The following NTM variants were observed in gnomAD, a reference collection of about 807,000 sequenced individuals.
NTM encodes neurotrimin.
A neutral mutation model predicts 42.1 loss-of-function variants in NTM; 13 were observed. The ratio of observed to expected loss-of-function variants is 0.31; its 90% CI spans 0.20 to 0.49. The LOEUF (loss-of-function observed/expected upper bound fraction) is 0.49. Ranked by LOEUF, NTM falls within the 20% of genes least tolerant of loss-of-function variation. The pLI is 0.99. For synonymous variants in NTM, 187 were observed against 179.2 expected (o/e 1.04, Z -0.35); for missense variants, 373 against 452.8 (o/e 0.82, Z 1.60).
At chr11:132,193,180 A>G (rs1185015664) in intron 3 of NTM, among the ~76,000 whole-genome samples, 2 of 152,154 alleles carry the variant, frequency 1.3e-5, no homozygotes, top group African/African-American at 2.4e-5. Context: ...ACTCCACAAC[A>G]ACAGAATGAC....
intron 1 of NTM, among the ~76,000 whole-genome samples, chr11:131,633,776 T>TCC (rs1429837076): frequency 4.1e-5 from 3 of 73,284 alleles, no homozygotes; most frequent in East Asian, 1.1e-3. Flanking sequence ...CCTCTCTCTC[T>TCC]CTCTCTCTCT....
At chr11:132,053,141 A>G (rs2079096450) in intron 2 of NTM, among the ~76,000 whole-genome samples, 1 of 152,212 alleles carries the variant, frequency 6.6e-6, no homozygotes, top group Non-Finnish European at 1.5e-5. Context: ...ATTCAGCATA[A>G]TGCTTGCAAT....
At chr11:131,760,842 G>A (rs1192711130) in intron 1 of NTM, among the ~76,000 whole-genome samples, 3 of 152,196 alleles carry the variant, frequency 2.0e-5, no homozygotes, top group Admixed American at 6.5e-5. Flanking sequence ...ACGTTGGAGC[G>A]TAGGAAGAGG....
chr11:132,005,993 A>G (rs1269817892), intron 2 of NTM, among the ~76,000 whole-genome samples: 2 of 152,218 alleles, frequency 1.3e-5, no homozygotes. Context: ...CCTGTGGCCC[A>G]TTCATGTGGA....
chr11:132,095,407 G>A (rs1161923242), intron 2 of NTM, among the ~76,000 whole-genome samples: 2 of 152,080 alleles, frequency 1.3e-5, no homozygotes, highest in African/African-American at 4.8e-5. Flanking sequence ...GGGACTGGCG[G>A]CTACCTCTTC....
At chr11:132,199,597 A>T (rs1034123290) in intron 3 of NTM, among the ~76,000 whole-genome samples, 3 of 152,116 alleles carry the variant, frequency 2.0e-5, no homozygotes, top group African/African-American at 7.2e-5. Flanking sequence ...CCTGAGTGAT[A>T]CCGGGGAGTA....
At position 131,800,948 on chromosome 11, in the gene NTM, G is replaced by A. The variant is rs187616941; in HGVS notation, c.83-110616G>A. ...TTGAATTAATAGTAGGACGTGGCCC[G>A]TGCTCTCCAACCTTGGAATTTGATT... On this transcript the variant is annotated intron_variant, in intron 1 of 8. Transcript: ENST00000683400. Among the ~76,000 whole-genome samples the A allele has an allele frequency of 1.1e-3, 173 of 152,232 alleles. 1 individual carries two copies. Among genetic ancestry groups the A allele is most frequent in the Admixed American group, 1.8e-3 (27 of 15,288 alleles).
Position 131,751,765 on chromosome 11 carries a change from A to ACC in NTM, c.83-159791_83-159790dup, listed in dbSNP as rs1252915947. On this transcript the variant is annotated intron_variant, in intron 1 of 8. Coordinates refer to ENST00000683400, the MANE Select transcript of NTM (RefSeq NM_001352005.2). ...CAGAGCAAGATTCCGTCCCCCCCTCACCCCCCCCCAAAATATATACTTATT... is the reference window on the plus strand; with the variant it reads ...CAGAGCAAGATTCCGTCCCCCCCTCACCCCCCCCCCCAAAATATATACTTATT... Among the ~76,000 whole-genome samples the ACC allele has an allele frequency of 5.1e-4, 24 of 47,244 alleles. No individual in the cohort carries two copies. The South Asian group carries it at 0.012, about 23-fold the overall frequency. The allele number at this position is 47,244 out of a possible 152,430, so 31.0% of individuals were successfully genotyped here.
chr11:132,316,890 T>C (rs1591973726), intron 7 of NTM, among the ~76,000 whole-genome samples: 1 of 152,200 alleles, frequency 6.6e-6, no homozygotes, highest in East Asian at 1.9e-4. Flanking sequence ...TCAGTTTCCA[T>C]TAAAAGCCAA....
chr11:131,992,951 A>AT (rs2067295154), intron 2 of NTM, among the ~76,000 whole-genome samples: 4 of 152,172 alleles, frequency 2.6e-5, no homozygotes, highest in Admixed American at 2.6e-4. Flanking sequence ...AGGGTGCCTC[A>AT]TACTAACTTC....
intron 2 of NTM, among the ~76,000 whole-genome samples, chr11:132,104,200 C>T (rs2061978180): frequency 6.6e-6 from 1 of 152,106 alleles, no homozygotes; most frequent in African/African-American, 2.4e-5. Context: ...GCTGGGGCAT[C>T]TTTATGTCAA....
intron 1 of NTM, among the ~76,000 whole-genome samples, chr11:131,597,814 ATTATCT>A (rs2059946470): frequency 6.6e-6 from 1 of 152,220 alleles, no homozygotes; most frequent in Non-Finnish European, 1.5e-5. Flanking sequence ...TGTTATCTTT[ATTATCT>A]TTGTTAAGCC....
chr11:132,005,533 A>G (rs994320272), intron 2 of NTM, among the ~76,000 whole-genome samples: 2 of 152,200 alleles, frequency 1.3e-5, no homozygotes, highest in Non-Finnish European at 2.9e-5. Flanking sequence ...TGTTGGAAGG[A>G]AGGGATATAT....
chr11:132,113,685 G>A (rs1464680199), intron 2 of NTM, among the ~76,000 whole-genome samples: 1 of 152,162 alleles, frequency 6.6e-6, no homozygotes, highest in East Asian at 1.9e-4. Flanking sequence ...TGTCAATGAA[G>A]CCAATTGGAT....
intron 1 of NTM, among the ~76,000 whole-genome samples, chr11:131,398,554 C>T (rs1944801355): frequency 6.6e-6 from 1 of 152,142 alleles, no homozygotes; most frequent in African/African-American, 2.4e-5. Flanking sequence ...TAATTGGTTT[C>T]ATTATATTAC....
intron 3 of NTM, among the ~76,000 whole-genome samples, chr11:132,204,861 C>T (rs577020665): frequency 2.0e-5 from 3 of 152,168 alleles, no homozygotes; most frequent in Admixed American, 1.3e-4. Context: ...GCCTAGGCTT[C>T]GCTTGGGTAC....
intron 1 of NTM, among the ~76,000 whole-genome samples, chr11:131,799,467 G>C (rs546611442): frequency 6.6e-6 from 1 of 152,292 alleles, no homozygotes; most frequent in African/African-American, 2.4e-5. Context: ...CTCAGGTAAT[G>C]TGGGGCCATA....
intron 2 of NTM, among the ~76,000 whole-genome samples, chr11:132,121,549 T>C (rs1345752106): frequency 6.6e-6 from 1 of 152,202 alleles, no homozygotes; most frequent in Admixed American, 6.5e-5. Context: ...TATAGGATCC[T>C]GTTCCCAGCT....
intron 4 of NTM, among the ~76,000 whole-genome samples, chr11:132,290,632 T>C (rs2094425519): frequency 6.6e-6 from 1 of 152,240 alleles, no homozygotes; most frequent in Non-Finnish European, 1.5e-5. Flanking sequence ...TGTGTATAAC[T>C]ATATGCTACA....
Sources: allele counts gnomAD v4.1 joint callset (sites outside exome capture counted in the v4.1 genomes callset), GRCh38; gene constraint gnomAD v4.1.1; transcripts MANE v1.5; gene names NCBI Gene and HGNC (gene_info 2026-07-23, HGNC 2026-07-21).